Variants in AGBL4 observed in about 807,000 individuals in gnomAD.
AGBL4 encodes cytosolic carboxypeptidase 6.
In AGBL4, 58 loss-of-function variants were observed where a neutral mutation model predicts 66.4. The observed-to-expected ratio is 0.87, with a 90% confidence interval of 0.71 to 1.09. The LOEUF is 1.09. Ranked by LOEUF, AGBL4 falls within the 50% of genes least tolerant of loss-of-function variation. The pLI, the probability that AGBL4 is intolerant of heterozygous loss-of-function variation, is 0.00. For synonymous variants in AGBL4, 234 were observed against 222.9 expected, an observed-to-expected ratio of 1.05 and a Z score of -0.44; for missense variants, 579 against 631.0, an observed-to-expected ratio of 0.92 and a Z score of 0.88.
chr1:48,914,801 G>A (rs1217358497), intron 5 of AGBL4, among the ~76,000 whole-genome samples: 1 of 152,152 alleles, frequency 6.6e-6, no homozygotes, highest in African/African-American at 2.4e-5. Context: ...CAAGTGTAGT[G>A]CCCAACACTG....
At chr1:49,933,170 C>A (rs1403947308) in intron 1 of AGBL4, among the ~76,000 whole-genome samples, 1 of 152,030 alleles carries the variant, frequency 6.6e-6, no homozygotes, top group African/African-American at 2.4e-5. Flanking sequence ...TTGAAAGCAG[C>A]AAGATAAAAA....
chr1:49,398,617 A>G (rs908549979), intron 3 of AGBL4, among the ~76,000 whole-genome samples: 5 of 152,150 alleles, frequency 3.3e-5, no homozygotes, highest in Admixed American at 3.3e-4. Context: ...ACTGACCAAC[A>G]CATTCCCTTT....
chr1:49,146,613 G>T (rs1646222909), intron 4 of AGBL4, among the ~76,000 whole-genome samples: 1 of 152,164 alleles, frequency 6.6e-6, no homozygotes, highest in African/African-American at 2.4e-5. Flanking sequence ...TGAAGAGTTG[G>T]TAGCTATAAA....
chr1:49,030,303 T>C (rs1214510927), intron 5 of AGBL4, among the ~76,000 whole-genome samples: 1 of 152,136 alleles, frequency 6.6e-6, no homozygotes, highest in African/African-American at 2.4e-5. Context: ...CTCTGCTCTC[T>C]GCCATGTGGA....
chr1:48,556,263 T>C (rs1437506415), intron 11 of AGBL4, among the ~76,000 whole-genome samples: 1 of 152,158 alleles, frequency 6.6e-6, no homozygotes. Flanking sequence ...GAATATGTTT[T>C]CTCTGGAACT....
chr1:49,700,210 A>G (rs1647061703), intron 2 of AGBL4, among the ~76,000 whole-genome samples: 1 of 151,636 alleles, frequency 6.6e-6, no homozygotes, highest in Admixed American at 6.6e-5. Context: ...GACAACATAG[A>G]CTATAAATCA....
chr1:49,879,999 T>C (rs1277206506), intron 1 of AGBL4, among the ~76,000 whole-genome samples: 1 of 150,054 alleles, frequency 6.7e-6, no homozygotes, highest in East Asian at 2.0e-4. Context: ...CGAGCCTTGG[T>C]TTTCAGCTCC....
At position 48,854,885 on chromosome 1, in the gene AGBL4, T is replaced by C. The variant is rs140756725; in HGVS notation, c.634+12306A>G. Among the ~76,000 whole-genome samples, 288 of 152,292 alleles carry C rather than the reference T, an allele frequency of 1.9e-3. 2 individuals carry two copies. The highest frequency in any genetic ancestry group is 6.5e-3 in the African/African-American group (272 of 41,562). ...ACCACATGTGGCCTGAGAATGGTGT[T>C]AATACTGAGAAAGTTGAGTTAAGAG... On this transcript the variant is annotated intron_variant, in intron 6 of 13. Coordinates refer to ENST00000371839, the MANE Select transcript of AGBL4 (RefSeq NM_032785.4).
intron 3 of AGBL4, among the ~76,000 whole-genome samples, chr1:49,360,553 A>G (rs2148534855): frequency 6.6e-6 from 1 of 152,326 alleles, no homozygotes; most frequent in South Asian, 2.1e-4. Context: ...TTATTGCAAC[A>G]GTTTTCTAAA....
chr1:48,856,586 C>A (rs1170208536), intron 6 of AGBL4, among the ~76,000 whole-genome samples: 1 of 152,064 alleles, frequency 6.6e-6, no homozygotes, highest in African/African-American at 2.4e-5. Flanking sequence ...TCTCTTGTTC[C>A]CTTAGTCTCA....
chr1:49,925,088 C>G (rs143264815), intron 1 of AGBL4, among the ~76,000 whole-genome samples: 36 of 152,338 alleles, frequency 2.4e-4, no homozygotes, highest in African/African-American at 8.4e-4. Flanking sequence ...CACCTCTTCT[C>G]TAATCCAAAG....
Position 49,716,645 on chromosome 1 carries a change from T to C in AGBL4, c.158-19208A>G, listed in dbSNP as rs568607368. On this transcript the variant is annotated intron_variant, in intron 2 of 13. Transcript: ENST00000371839. ...AACATACGCAAATCAATAAACATAATCCATTACATAAACAGAACCAATGAC... is the reference window on the plus strand; with the variant it reads ...AACATACGCAAATCAATAAACATAACCCATTACATAAACAGAACCAATGAC... Among the ~76,000 whole-genome samples, 112 of 152,158 alleles carry C rather than the reference T, an allele frequency of 7.4e-4. 2 individuals are homozygous for C. The highest frequency in any genetic ancestry group is 8.7e-4 in the Non-Finnish European group (59 of 67,996).
At chr1:48,779,133 G>T (rs770883098) in intron 6 of AGBL4, among the ~76,000 whole-genome samples, 15 of 152,278 alleles carry the variant, frequency 9.9e-5, no homozygotes, top group Non-Finnish European at 1.9e-4. Context: ...TCACAAGATG[G>T]ATCATGCAGA....
At chr1:49,782,795 T>G (rs546710328) in intron 2 of AGBL4, among the ~76,000 whole-genome samples, 2 of 152,304 alleles carry the variant, frequency 1.3e-5, no homozygotes, top group East Asian at 3.9e-4. Flanking sequence ...TCTTTTCTCT[T>G]GCACTCTCTT....
At chr1:49,792,093 T>C (rs1557450991) in intron 2 of AGBL4, among the ~76,000 whole-genome samples, 2 of 152,074 alleles carry the variant, frequency 1.3e-5, no homozygotes, top group Non-Finnish European at 2.9e-5. Flanking sequence ...ATCACGGACA[T>C]ATTCTCCTGG....
At chr1:48,541,096 AGAAACACT>A (rs1300560758) in intron 11 of AGBL4, among the ~76,000 whole-genome samples, 6 of 152,170 alleles carry the variant, frequency 3.9e-5, no homozygotes, top group African/African-American at 1.4e-4. Flanking sequence ...TTCACATTCC[AGAAACACT>A]GAGCTTCTTC....
chr1:49,388,244 TA>T (rs1398527159), intron 3 of AGBL4, among the ~76,000 whole-genome samples: 1 of 152,068 alleles, frequency 6.6e-6, no homozygotes, highest in Non-Finnish European at 1.5e-5. Flanking sequence ...TGATAGTAAA[TA>T]GTTTAGGCTT....
At chr1:49,850,328 G>A (rs1001573767) in intron 2 of AGBL4, among the ~76,000 whole-genome samples, 26 of 152,114 alleles carry the variant, frequency 1.7e-4, no homozygotes, top group African/African-American at 6.3e-4. Flanking sequence ...GAAGCTAGGG[G>A]GAGAAACATG....
intron 9 of AGBL4, among the ~76,000 whole-genome samples, chr1:48,611,275 T>C (rs1322849251): frequency 2.0e-5 from 3 of 152,318 alleles, no homozygotes; most frequent in African/African-American, 2.4e-5. Flanking sequence ...TCCTGTCAGA[T>C]GGCCTGACTT....
Sources: gnomAD v4.1 joint callset for allele counts (sites outside exome capture counted in the v4.1 genomes callset) on GRCh38, gnomAD v4.1.1 for gene constraint, MANE v1.5 for transcripts, NCBI Gene and HGNC (gene_info 2026-07-23, HGNC 2026-07-21) for gene names.